Variants in SEMA4D observed in about 807,000 individuals in gnomAD.
The protein encoded by SEMA4D is semaphorin 4D.
A neutral mutation model predicts 74.8 loss-of-function variants in SEMA4D; 22 were observed. The ratio of observed to expected loss-of-function variants is 0.29; its 90% confidence interval spans 0.21 to 0.42. SEMA4D has a LOEUF of 0.42. Ranked by LOEUF, SEMA4D falls within the 10% of genes least tolerant of loss-of-function variation. The pLI is 1.00. For missense variants in SEMA4D, 937 were observed against 1,118.4 expected (o/e 0.84, Z 2.31); for synonymous variants, 445 against 463.7 (o/e 0.96, Z 0.52).
At chr9:89,433,678 T>C (rs752956921) in intron 2 of SEMA4D, among the ~76,000 whole-genome samples, 19 of 152,164 alleles carry the variant, frequency 1.2e-4, no homozygotes, top group Non-Finnish European at 2.4e-4. Context: ...TCTGCCCAAG[T>C]ACAGGGTGGA....
In SEMA4D at chr9:89,379,027, A is replaced by G; in HGVS notation, c.2266T>C (p.Tyr756His). 1 of 1,611,882 alleles carries G rather than the reference A, an allele frequency of 6.2e-7. No homozygotes were observed. Among genetic ancestry groups the G allele is most frequent in the Non-Finnish European group, 8.5e-7 (1 of 1,178,790 alleles). ...CACTGTCTGGGCAGGTATCCCTTAT[A>G]GCAGTTGTAGAAAAAGAGGCAGAGG... ...LFLCLFFYNC[Y>H]KGYLPRQCLK... is the part of the protein sequence containing the mutation. Residue 756 changes from tyrosine to histidine, a missense_variant, in exon 16 of 16, where the codon TAT becomes CAT. Physicochemically the swap from Tyr to His is moderately conservative, Grantham distance 83. Coordinates refer to ENST00000422704, the MANE Select transcript of SEMA4D (RefSeq NM_001371194.2).
rs1460386402 is a variant in SEMA4D at position 89,366,465 on chromosome 9, T to TG, written c.1883-2516dup. 2.6e-5 allele frequency among the ~76,000 whole-genome samples: 4 copies of TG among 152,352 alleles called. No homozygotes were observed. The East Asian group carries it at 5.8e-4, about 22-fold the overall frequency. On this transcript the variant is annotated intron_variant, in intron 16 of 18. Coordinates refer to the SEMA4D transcript ENST00000339861. ...TTTTGCCTGGCGGCCCATCTGGCCC[T>TG]GGCCTGGTGGACAAGCCCTTGTGAA...
intron 13 of SEMA4D, chr9:89,384,752 C>T (rs984576252): frequency 2.8e-5 from 28 of 985,262 alleles, no homozygotes; most frequent in Admixed American, 1.2e-4. Flanking sequence ...AGGGGGAGGG[C>T]GTGGTACTGG....
downstream of SEMA4D, chr9:89,376,811 G>A: frequency 4.5e-6 from 7 of 1,541,756 alleles, no homozygotes; most frequent in Non-Finnish European, 5.3e-6. Context: ...AGGGCACAGG[G>A]GACAGAGAGG....
intron 2 of SEMA4D, among the ~76,000 whole-genome samples, chr9:89,446,591 G>A (rs918890365): frequency 2.0e-5 from 3 of 152,208 alleles, no homozygotes; most frequent in Non-Finnish European, 2.9e-5. Context: ...AGGGCAGAGA[G>A]GGGAGGCTGC....
Position 89,453,167 on chromosome 9 carries a change from C to G in SEMA4D, c.-244+2721G>C, listed in dbSNP as rs556482137. ...CCCAGTGCAGGTGAAGCAGCCCTGC[C>G]TCCAAGCAGTGGGGCACACTCAGAC... On this transcript the variant is annotated intron_variant, in intron 2 of 15. Coordinates refer to ENST00000422704, the MANE Select transcript of SEMA4D (RefSeq NM_001371194.2). Among the ~76,000 whole-genome samples, 183 of 152,302 alleles carry G rather than the reference C, an allele frequency of 1.2e-3. 1 individual carries two copies. The highest frequency in any genetic ancestry group is 1.8e-3 in the Non-Finnish European group (125 of 68,006).
chr9:89,370,297 G>C (rs1020483336), intron 16 of SEMA4D, among the ~76,000 whole-genome samples: 1 of 151,570 alleles, frequency 6.6e-6, no homozygotes, highest in Non-Finnish European at 1.5e-5. Context: ...TTTGTGATGT[G>C]TGTGCGTGTT....
At chr9:89,429,895 T>A (rs1210038037) in intron 2 of SEMA4D, among the ~76,000 whole-genome samples, 1 of 152,188 alleles carries the variant, frequency 6.6e-6, no homozygotes, top group Non-Finnish European at 1.5e-5. Context: ...AGAATGCAGC[T>A]GTGGGTTTCT....
chr9:89,385,644 G>A, intron 13 of SEMA4D: 1 of 855,868 alleles, frequency 1.2e-6, no homozygotes, highest in Non-Finnish European at 1.4e-6. Flanking sequence ...AAGCTTTGTG[G>A]ATACAGGGGA....
intron 2 of SEMA4D, chr9:89,418,068 C>T: frequency 1.7e-5 from 17 of 984,348 alleles, no homozygotes; most frequent in Middle Eastern, 5.2e-4. Context: ...GTATCTTATG[C>T]CTCTTGAAAC....
intron 1 of SEMA4D, chr9:89,472,397 G>T: frequency 5.9e-6 from 2 of 336,164 alleles, no homozygotes; most frequent in South Asian, 2.8e-5. Flanking sequence ...ATGATCACTG[G>T]GCATCCAAGA....
At chr9:89,462,515 T>C (rs1397382509) in intron 1 of SEMA4D, among the ~76,000 whole-genome samples, 1 of 152,202 alleles carries the variant, frequency 6.6e-6, no homozygotes, top group African/African-American at 2.4e-5. Context: ...AGGAGAGCTG[T>C]GTTTTCTGTA....
intron 16 of SEMA4D, among the ~76,000 whole-genome samples, chr9:89,366,309 T>C (rs1361815909): frequency 6.6e-6 from 1 of 152,214 alleles, no homozygotes; most frequent in Non-Finnish European, 1.5e-5. Flanking sequence ...ATTTTTTCTT[T>C]ATACTTCCCT....
chr9:89,396,647 G>A lies in SEMA4D; in HGVS notation c.414+90C>T. On this transcript the variant is annotated intron_variant, in intron 6 of 15. Coordinates refer to ENST00000422704, the MANE Select transcript of SEMA4D (RefSeq NM_001371194.2). ...AGAAAATCCTATTTTTTTTTAGGGT[G>A]GAGACAGCTTTACGTCTGCTTTGAG... is the stretch of plus-strand genomic sequence containing the variant. 4.7e-6 allele frequency: 5 copies of A among 1,063,298 alleles called. No homozygotes were observed. The African/African-American group carries it at 4.8e-5, about 10-fold the overall frequency. The allele number at this position is 1,063,298 out of a possible 1,614,324, so 65.9% of individuals were successfully genotyped here.
chr9:89,399,145 C>A, intron 5 of SEMA4D, 131 bp downstream of exon 5: 1 of 753,218 alleles, frequency 1.3e-6, no homozygotes, highest in South Asian at 1.6e-5. Flanking sequence ...CACAACAAAA[C>A]CAAGCCCAGC....
chr9:89,415,295 C>T (rs998566803), intron 2 of SEMA4D, among the ~76,000 whole-genome samples: 44 of 152,204 alleles, frequency 2.9e-4, no homozygotes, highest in African/African-American at 1.1e-3. Flanking sequence ...AGGGGGCCAA[C>T]GGTCTCCCTA....
At chr9:89,399,225 A>C (rs1841664611) in intron 5 of SEMA4D, 51 bp downstream of exon 5, 1 of 1,499,714 alleles carries the variant, frequency 6.7e-7, no homozygotes, top group Non-Finnish European at 9.3e-7. Context: ...AGATTAAAAC[A>C]ACCAAGAAAT....
intron 2 of SEMA4D, among the ~76,000 whole-genome samples, chr9:89,422,036 T>C (rs1435292343): frequency 1.3e-5 from 2 of 152,216 alleles, no homozygotes; most frequent in Non-Finnish European, 2.9e-5. Context: ...AATACAGTAA[T>C]TGTAGAAAAT....
intron 1 of SEMA4D, among the ~76,000 whole-genome samples, chr9:89,468,188 C>T (rs140469093): frequency 3.9e-4 from 60 of 152,342 alleles, no homozygotes; most frequent in African/African-American, 1.4e-3. Flanking sequence ...TATTTCCAAA[C>T]CCTCCACATT....
Sources: gnomAD v4.1 joint callset for allele counts (sites outside exome capture counted in the v4.1 genomes callset) on GRCh38, gnomAD v4.1.1 for gene constraint, MANE v1.5 for transcripts, NCBI Gene and HGNC (gene_info 2026-07-23, HGNC 2026-07-21) for gene names.